The following RGS7 variants were observed in gnomAD, a reference collection of about 807,000 sequenced individuals.
The protein encoded by RGS7 is regulator of G-protein signaling 7.
A neutral mutation model predicts 81.1 loss-of-function variants in RGS7; 27 were observed. The observed-to-expected ratio is 0.33, with a 90% CI of 0.25 to 0.46. The LOEUF is 0.46. Ranked by LOEUF, RGS7 falls within the 20% of genes least tolerant of loss-of-function variation. The pLI is 1.00. For missense variants in RGS7, 396 were observed against 607.4 expected, an observed-to-expected ratio of 0.65 and a Z score of 3.66; for synonymous variants, 208 against 207.7, an observed-to-expected ratio of 1.00 and a Z score of -0.01.
intron 3 of RGS7, among the ~76,000 whole-genome samples, chr1:241,002,200 A>G (rs983983313): frequency 6.6e-6 from 1 of 152,114 alleles, no homozygotes; most frequent in Admixed American, 6.5e-5. Context: ...TAATCCCAGC[A>G]CTTTGGGAGG....
chr1:241,330,374 T>C (rs12121709), intron 2 of RGS7, among the ~76,000 whole-genome samples: 13,795 of 152,222 alleles, frequency 0.091, 852 homozygotes, highest in Non-Finnish European at 0.13. Context: ...AAAAACAACA[T>C]GATGAAAAGC....
chr1:241,142,720 G>A (rs995836938), intron 2 of RGS7, among the ~76,000 whole-genome samples: 4 of 152,184 alleles, frequency 2.6e-5, no homozygotes, highest in Admixed American at 2.6e-4. Context: ...GACATGCCCT[G>A]GAGGCATTTT....
intron 2 of RGS7, among the ~76,000 whole-genome samples, chr1:241,325,139 T>C (rs1003100771): frequency 6.6e-6 from 1 of 152,226 alleles, no homozygotes. Flanking sequence ...GGAGATAAAA[T>C]AGAATCCTGT....
intron 2 of RGS7, among the ~76,000 whole-genome samples, chr1:241,308,839 T>C (rs1226238262): frequency 1.3e-5 from 2 of 152,020 alleles, no homozygotes; most frequent in East Asian, 1.9e-4. Flanking sequence ...TAATGCACAG[T>C]TTTTCCCCCC....
intron 18 of RGS7, among the ~76,000 whole-genome samples, chr1:240,779,842 T>TA (rs1169856096): frequency 1.3e-5 from 2 of 152,210 alleles, no homozygotes; most frequent in Non-Finnish European, 1.5e-5. Context: ...CGTTGGCTAT[T>TA]ACCTCATTAT....
chr1:241,194,682 T>C (rs1417794393), intron 2 of RGS7, among the ~76,000 whole-genome samples: 1 of 152,188 alleles, frequency 6.6e-6, no homozygotes, highest in African/African-American at 2.4e-5. Flanking sequence ...TGAAAATAAC[T>C]ATAAAGGCTG....
intron 2 of RGS7, among the ~76,000 whole-genome samples, chr1:241,294,193 G>C (rs1221100970): frequency 1.3e-5 from 2 of 152,084 alleles, no homozygotes; most frequent in Non-Finnish European, 2.9e-5. Flanking sequence ...CACAGGAACA[G>C]AAAACCAAAC....
At chr1:240,864,785 G>T (rs892513212) in intron 9 of RGS7, among the ~76,000 whole-genome samples, 1 of 152,100 alleles carries the variant, frequency 6.6e-6, no homozygotes, top group Non-Finnish European at 1.5e-5. Flanking sequence ...GATAAGGCTG[G>T]AGGAAAAAAG....
chr1:241,135,153 G>A (rs1239965743), intron 2 of RGS7, among the ~76,000 whole-genome samples: 5 of 152,190 alleles, frequency 3.3e-5, no homozygotes, highest in Non-Finnish European at 7.3e-5. Flanking sequence ...GCGGCCGGGC[G>A]CGGTGGCTCA....
intron 3 of RGS7, among the ~76,000 whole-genome samples, chr1:241,096,793 C>G (rs2064286011): frequency 6.6e-6 from 1 of 152,156 alleles, no homozygotes; most frequent in South Asian, 2.1e-4. Flanking sequence ...CAAACTTAAT[C>G]AGATGAGCAA....
chr1:241,266,354 A>AT lies in RGS7; in HGVS notation c.78+89344dup, dbSNP rs140499509. ...TCTGGCATCATGCCAGGTTTTTGTGATTTTCAAAATAATTGGGTGCCTCAT... is the reference window on the plus strand; with the variant it reads ...TCTGGCATCATGCCAGGTTTTTGTGATTTTTCAAAATAATTGGGTGCCTCAT... On this transcript the variant is annotated intron_variant, in intron 2 of 18. Transcript: ENST00000440928. Among the ~76,000 whole-genome samples, 649 of 152,274 alleles carry AT rather than the reference A, an allele frequency of 4.3e-3. 7 individuals are homozygous for AT. The highest frequency in any genetic ancestry group is 9.7e-3 in the African/African-American group (405 of 41,552).
At chr1:241,198,204 G>A (rs2073226483) in intron 2 of RGS7, among the ~76,000 whole-genome samples, 1 of 151,928 alleles carries the variant, frequency 6.6e-6, no homozygotes. Flanking sequence ...TTCAGGTAAA[G>A]TCATGCTTAG....
intron 2 of RGS7, among the ~76,000 whole-genome samples, chr1:241,325,050 T>C (rs2081413874): frequency 6.6e-6 from 1 of 152,196 alleles, no homozygotes. Flanking sequence ...TATGGGAAAA[T>C]TGTTGGTAAA....
intron 18 of RGS7, among the ~76,000 whole-genome samples, chr1:240,793,944 A>C (rs1408223129): frequency 2.0e-5 from 3 of 152,000 alleles, no homozygotes; most frequent in African/African-American, 7.2e-5. Flanking sequence ...GTTTACCTAT[A>C]TTAGTGTATC....
intron 10 of RGS7, among the ~76,000 whole-genome samples, chr1:240,824,274 G>A (rs1302512641): frequency 1.3e-5 from 2 of 152,104 alleles, no homozygotes; most frequent in East Asian, 3.9e-4. Context: ...TTCTTGTCAC[G>A]GCACGTAATT....
At chr1:241,267,246 C>T (rs1260183689) in intron 2 of RGS7, among the ~76,000 whole-genome samples, 1 of 152,120 alleles carries the variant, frequency 6.6e-6, no homozygotes, top group African/African-American at 2.4e-5. Flanking sequence ...GTCTTTGTTC[C>T]TTCCTCACCT....
intron 2 of RGS7, among the ~76,000 whole-genome samples, chr1:241,233,344 G>C (rs1462105555): frequency 2.0e-5 from 3 of 152,138 alleles, no homozygotes; most frequent in Non-Finnish European, 4.4e-5. Flanking sequence ...CTTTCAAGCT[G>C]TGTATCTGTA....
chr1:240,781,014 G>A (rs1683953337), intron 18 of RGS7, among the ~76,000 whole-genome samples: 1 of 144,714 alleles, frequency 6.9e-6, no homozygotes, highest in East Asian at 2.0e-4. Flanking sequence ...GACATCTACT[G>A]TTGTCTTTAT....
chr1:240,923,247 G>A (rs1056469166), intron 6 of RGS7, among the ~76,000 whole-genome samples: 2 of 151,818 alleles, frequency 1.3e-5, no homozygotes, highest in African/African-American at 4.8e-5. Flanking sequence ...ACTAAATGGT[G>A]GATAAATGTT....
Sources: allele counts gnomAD v4.1 joint callset (sites outside exome capture counted in the v4.1 genomes callset), GRCh38; gene constraint gnomAD v4.1.1; transcripts MANE v1.5; gene names NCBI Gene and HGNC (gene_info 2026-07-23, HGNC 2026-07-21).